FHIT: variants seen among roughly 807,000 people sequenced by gnomAD.
FHIT encodes the protein bis(5'-adenosyl)-triphosphatase.
Under a neutral mutation model 17.9 loss-of-function variants are expected in FHIT, and 19 were observed. That is an observed-to-expected ratio of 1.06 (90% CI 0.74 to 1.56). The LOEUF (loss-of-function observed/expected upper bound fraction) is 1.56, where lower values mean the gene tolerates loss of function less well. FHIT is among the 40% of genes most tolerant of loss of function. The pLI is 0.00. For missense variants in FHIT, 248 were observed against 189.2 expected, an observed-to-expected ratio of 1.31 and a Z score of -1.82; for synonymous variants, 81 against 69.7, an observed-to-expected ratio of 1.16 and a Z score of -0.81.
chr3:60,286,234 GAAA>G (rs1247658866), intron 5 of FHIT, among the ~76,000 whole-genome samples: 1 of 152,144 alleles, frequency 6.6e-6, no homozygotes, highest in African/African-American at 2.4e-5. Flanking sequence ...GCCACTTTTG[GAAA>G]ATGTAATTAT....
chr3:59,780,594 T>C (rs1347340942), intron 8 of FHIT, among the ~76,000 whole-genome samples: 1 of 152,154 alleles, frequency 6.6e-6, no homozygotes, highest in African/African-American at 2.4e-5. Context: ...TATTTGTTAG[T>C]AGGGCCTTCG....
At chr3:60,162,736 G>A (rs1319704047) in intron 5 of FHIT, among the ~76,000 whole-genome samples, 2 of 152,116 alleles carry the variant, frequency 1.3e-5, no homozygotes, top group Non-Finnish European at 2.9e-5. Flanking sequence ...ACTGATTTCA[G>A]AGCCAACATT....
intron 4 of FHIT, among the ~76,000 whole-genome samples, chr3:60,686,097 G>C (rs73835809): frequency 1.3e-5 from 2 of 152,122 alleles, no homozygotes; most frequent in South Asian, 4.2e-4. Flanking sequence ...TATGGACTTC[G>C]GGATTGGATA....
At chr3:60,077,828 T>C (rs1703100020) in intron 5 of FHIT, among the ~76,000 whole-genome samples, 1 of 151,594 alleles carries the variant, frequency 6.6e-6, no homozygotes, top group Non-Finnish European at 1.5e-5. Flanking sequence ...TAAAATTGAA[T>C]TAGAGTTTTT....
intron 7 of FHIT, among the ~76,000 whole-genome samples, chr3:59,931,160 T>C (rs80013054): frequency 0.026 from 3,980 of 152,316 alleles, 87 homozygotes; most frequent in Admixed American, 0.065. Flanking sequence ...GCAGTGACTA[T>C]ATTACAGGAC....
intron 7 of FHIT, among the ~76,000 whole-genome samples, chr3:59,965,878 C>G (rs748164092): frequency 6.6e-6 from 1 of 152,114 alleles, no homozygotes; most frequent in Non-Finnish European, 1.5e-5. Context: ...CTCTATCAAA[C>G]AAGAGCAAAT....
intron 5 of FHIT, among the ~76,000 whole-genome samples, chr3:60,419,221 G>T (rs1232818882): frequency 6.6e-6 from 1 of 152,124 alleles, no homozygotes; most frequent in South Asian, 2.1e-4. Context: ...AACAGTGCCC[G>T]TCTCATAAAG....
chr3:60,814,296 A>G (rs1553736933), intron 4 of FHIT, among the ~76,000 whole-genome samples: 1 of 152,126 alleles, frequency 6.6e-6, no homozygotes, highest in African/African-American at 2.4e-5. Context: ...TATGAATGGT[A>G]GCATTACCCA....
At chr3:60,923,754 G>C (rs946097991) in intron 3 of FHIT, among the ~76,000 whole-genome samples, 9 of 152,096 alleles carry the variant, frequency 5.9e-5, no homozygotes, top group Non-Finnish European at 1.2e-4. Flanking sequence ...CCAAAGCAGG[G>C]CAAGGCATCA....
At chr3:59,863,595 C>A (rs1362580463) in intron 8 of FHIT, among the ~76,000 whole-genome samples, 1 of 152,228 alleles carries the variant, frequency 6.6e-6, no homozygotes, top group Non-Finnish European at 1.5e-5. Flanking sequence ...CACAGCTCTA[C>A]TCCCTGTGTC....
intron 5 of FHIT, among the ~76,000 whole-genome samples, chr3:60,037,538 G>T (rs944151172): frequency 6.7e-6 from 1 of 150,012 alleles, no homozygotes; most frequent in East Asian, 2.0e-4. Context: ...ACGCACCACC[G>T]CACTGGCTAA....
At chr3:60,538,398 C>G (rs2036063924) in intron 4 of FHIT, among the ~76,000 whole-genome samples, 1 of 152,068 alleles carries the variant, frequency 6.6e-6, no homozygotes, top group South Asian at 2.1e-4. Flanking sequence ...CCATCCCCAT[C>G]AAGATACCAA....
At chr3:60,448,452 T>C (rs1439549938) in intron 5 of FHIT, among the ~76,000 whole-genome samples, 1 of 152,206 alleles carries the variant, frequency 6.6e-6, no homozygotes, top group Non-Finnish European at 1.5e-5. Context: ...CTGTATGTGG[T>C]AGGCACTGTG....
rs562909199 is a variant in FHIT at position 59,977,069 on chromosome 3, T to C, written c.279+34302A>G. ...TTATCTTGGAATGTGCTTTTATCCA[T>C]AGAGCTTGGATATACCCTTCCTTAG... is the stretch of plus-strand genomic sequence containing the variant. On this transcript the variant is annotated intron_variant, in intron 7 of 9. Transcript: ENST00000492590. 1.1e-4 allele frequency among the ~76,000 whole-genome samples: 16 copies of C among 152,178 alleles called. No homozygotes were observed. The East Asian group carries it at 2.3e-3, about 22-fold the overall frequency.
intron 5 of FHIT, among the ~76,000 whole-genome samples, chr3:60,023,812 T>C (rs889830399): frequency 2.0e-5 from 3 of 152,152 alleles, no homozygotes; most frequent in Admixed American, 6.5e-5. Flanking sequence ...CTTTAATAAA[T>C]ACTTGGTGAA....
chr3:60,185,959 A>C (rs918333675), intron 5 of FHIT, among the ~76,000 whole-genome samples: 8 of 152,140 alleles, frequency 5.3e-5, no homozygotes, highest in African/African-American at 1.9e-4. Context: ...TTAGTGAGCT[A>C]TGTATTCAGA....
intron 3 of FHIT, among the ~76,000 whole-genome samples, chr3:60,958,902 G>T (rs1553779709): frequency 1.3e-5 from 2 of 152,112 alleles, no homozygotes; most frequent in African/African-American, 2.4e-5. Flanking sequence ...ATTTAGCAAT[G>T]GAATTATAAT....
chr3:61,138,019 A>T (rs1013091740), intron 2 of FHIT, among the ~76,000 whole-genome samples: 1 of 152,184 alleles, frequency 6.6e-6, no homozygotes, highest in Non-Finnish European at 1.5e-5. Flanking sequence ...GCCATTAACC[A>T]ACTATATGAC....
At chr3:61,031,875 T>C (rs1215274952) in intron 3 of FHIT, among the ~76,000 whole-genome samples, 1 of 152,222 alleles carries the variant, frequency 6.6e-6, no homozygotes, top group Non-Finnish European at 1.5e-5. Flanking sequence ...GCCAGAATTC[T>C]GGCAGGAAAA....
Sources: allele counts gnomAD v4.1 joint callset (sites outside exome capture counted in the v4.1 genomes callset), GRCh38; gene constraint gnomAD v4.1.1; transcripts MANE v1.5; gene names NCBI Gene and HGNC (gene_info 2026-07-23, HGNC 2026-07-21).